Variants in ENOX2 observed in about 807,000 individuals in gnomAD.
ENOX2 encodes ecto-NOX disulfide-thiol exchanger 2, also known as APK1 antigen.
ENOX2 carries 36 observed loss-of-function variants against 45.0 expected under a neutral mutation model. The ratio of observed to expected loss-of-function variants is 0.80; its 90% CI spans 0.61 to 1.06. ENOX2 has a LOEUF of 1.06. Ranked by LOEUF, ENOX2 falls within the 50% of genes least tolerant of loss-of-function variation. The probability of loss-of-function intolerance (pLI) is 0.00; values close to 1 mark genes in which losing one functional copy is unlikely to be tolerated. For synonymous variants in ENOX2, 174 were observed against 152.3 expected, an observed-to-expected ratio of 1.14 and a Z score of -1.05; for missense variants, 423 against 462.5, an observed-to-expected ratio of 0.91 and a Z score of 0.78.
At chrX:130,810,036 C>T (rs963354175) in intron 2 of ENOX2, among the ~76,000 whole-genome samples, 1 of 111,071 alleles carries the variant, frequency 9.0e-6, no homozygotes, top group Non-Finnish European at 1.9e-5. Context: ...AGAAATGATA[C>T]ACGGAAGAGT....
chrX:130,661,564 A>T (rs901472007), intron 9 of ENOX2, among the ~76,000 whole-genome samples: 1 of 111,831 alleles, frequency 8.9e-6, no homozygotes, highest in Non-Finnish European at 1.9e-5. Flanking sequence ...GGATAGGGAG[A>T]TAGCTTCTAC....
chrX:130,826,684 A>G (rs1283008249), intron 2 of ENOX2, among the ~76,000 whole-genome samples: 1 of 112,228 alleles, frequency 8.9e-6, no homozygotes, highest in Non-Finnish European at 1.9e-5. Context: ...TAATTCAAAC[A>G]TATACAACTG....
intron 2 of ENOX2, among the ~76,000 whole-genome samples, chrX:130,807,553 C>A (rs963143127): frequency 1.8e-5 from 2 of 111,519 alleles, no homozygotes; most frequent in African/African-American, 6.5e-5. Context: ...AGCACTAGAC[C>A]CCAGTCTTCT....
intron 5 of ENOX2, among the ~76,000 whole-genome samples, chrX:130,685,962 T>A (rs1241661749): frequency 8.9e-6 from 1 of 111,833 alleles, no homozygotes; most frequent in African/African-American, 3.3e-5. Context: ...GGATGAAATG[T>A]CAGGTGGGAC....
chrX:130,868,625 A>G (rs1308524568), intron 2 of ENOX2, among the ~76,000 whole-genome samples: 1 of 111,645 alleles, frequency 9.0e-6, no homozygotes, highest in Non-Finnish European at 1.9e-5. Context: ...GGCTCAGACC[A>G]TTTCTCTTTG....
chrX:130,771,528 C>T (rs1425709558), intron 3 of ENOX2, among the ~76,000 whole-genome samples: 2 of 111,667 alleles, frequency 1.8e-5, no homozygotes, highest in Non-Finnish European at 3.8e-5. Context: ...CTATTAGTTC[C>T]GAATGATAAA....
At chrX:130,715,282 T>C (rs183074275) in intron 3 of ENOX2, among the ~76,000 whole-genome samples, 114 of 111,546 alleles carry the variant, frequency 1.0e-3, no homozygotes, top group African/African-American at 3.6e-3. Context: ...AGGTGGTAAA[T>C]CCTGCTAATA....
chrX:130,685,920 AT>A (rs1191269351), intron 5 of ENOX2, among the ~76,000 whole-genome samples: 2 of 111,879 alleles, frequency 1.8e-5, no homozygotes, highest in Admixed American at 1.9e-4. Context: ...CCACAGGACA[AT>A]TTTATGGTTC....
chrX:130,788,794 A>C (rs906588214), intron 2 of ENOX2, among the ~76,000 whole-genome samples: 1 of 112,176 alleles, frequency 8.9e-6, no homozygotes, highest in African/African-American at 3.2e-5. Context: ...TCCTCCCTCC[A>C]GCCCACAAAA....
intron 3 of ENOX2, among the ~76,000 whole-genome samples, chrX:130,721,588 C>A (rs1179868326): frequency 9.0e-6 from 1 of 111,662 alleles, no homozygotes; most frequent in Admixed American, 9.5e-5. Flanking sequence ...CCTTGTCTTG[C>A]AAACATTACT....
At chrX:130,800,712 CAT>C (rs2077202663) in intron 2 of ENOX2, among the ~76,000 whole-genome samples, 1 of 112,089 alleles carries the variant, frequency 8.9e-6, no homozygotes, top group Non-Finnish European at 1.9e-5. Flanking sequence ...TGTTCTTAAA[CAT>C]AGTTACATTT....
At chrX:130,844,852 T>C (rs1240955156) in intron 2 of ENOX2, among the ~76,000 whole-genome samples, 2 of 111,829 alleles carry the variant, frequency 1.8e-5, no homozygotes, top group Non-Finnish European at 3.8e-5. Context: ...AATATAATAA[T>C]GCAAGGACCA....
chrX:130,678,832 C>T (rs945782489), intron 6 of ENOX2, among the ~76,000 whole-genome samples: 26 of 111,760 alleles, frequency 2.3e-4, no homozygotes, highest in Non-Finnish European at 3.8e-4. Context: ...TAGCATTCTG[C>T]CTAGCAGTCA....
chrX:130,894,503 C>T (rs1478497921), intron 2 of ENOX2, among the ~76,000 whole-genome samples: 2 of 105,893 alleles, frequency 1.9e-5, no homozygotes, highest in Non-Finnish European at 3.9e-5. Flanking sequence ...ATTTTATTCT[C>T]AAATGGTTAT....
At chrX:130,840,283 G>T (rs1360607531) in intron 2 of ENOX2, among the ~76,000 whole-genome samples, 1 of 110,798 alleles carries the variant, frequency 9.0e-6, no homozygotes, top group Non-Finnish European at 1.9e-5. Context: ...AAAATATACA[G>T]ATTATTTACA....
At chrX:130,848,333 C>T (rs376700054) in intron 2 of ENOX2, among the ~76,000 whole-genome samples, 2 of 111,317 alleles carry the variant, frequency 1.8e-5, no homozygotes, top group South Asian at 7.5e-4. Context: ...AAAAAAAAAG[C>T]AGAGAGTAAA....
Position 130,785,159 on chromosome X carries a change from G to A in ENOX2, c.-182-1469C>T, listed in dbSNP as rs183869735. Among the ~76,000 whole-genome samples, 337 of 107,846 alleles carry A rather than the reference G, an allele frequency of 3.1e-3. 2 individuals carry two copies. Among genetic ancestry groups the A allele is most frequent in the African/African-American group, 0.011 (326 of 29,671 alleles). The allele number at this position is 107,846 out of a possible 115,157, so 93.7% of individuals were successfully genotyped here. A position where few individuals can be genotyped will look rare whatever the true frequency, so the allele number is the denominator to read the frequency against. ...TGACCAACATGGAGAAACCCCGTCT[G>A]TACTAAAAATACAAAATAAGCCGGG... On this transcript the variant is annotated intron_variant, in intron 2 of 14. Transcript: ENST00000394363.
chrX:130,796,150 T>C lies in ENOX2; in HGVS notation c.-182-12460A>G, dbSNP rs7065498. ...TAATGATACAATGGAGAGATGACAG[T>C]CGCATGAACTCAGACAGTGGCAGTG... On this transcript the variant is annotated intron_variant, in intron 2 of 14. Coordinates refer to ENST00000394363, the MANE Select transcript of ENOX2 (RefSeq NM_006375.4). Among the ~76,000 whole-genome samples, 949 of 110,610 alleles carry C rather than the reference T, an allele frequency of 8.6e-3. 9 individuals are homozygous for C. Among genetic ancestry groups the C allele is most frequent in the African/African-American group, 0.029 (884 of 30,411 alleles).
chrX:130,696,589 C>T (rs753109970), intron 4 of ENOX2, among the ~76,000 whole-genome samples: 48 of 112,272 alleles, frequency 4.3e-4, no homozygotes, highest in Non-Finnish European at 7.5e-4. Context: ...AATTTAGCTT[C>T]ATGACAAATT....
Sources: gnomAD v4.1 joint callset for allele counts (sites outside exome capture counted in the v4.1 genomes callset) on GRCh38, gnomAD v4.1.1 for gene constraint, MANE v1.5 for transcripts, NCBI Gene and HGNC (gene_info 2026-07-23, HGNC 2026-07-21) for gene names.